Variants in KIZ observed in about 807,000 individuals in gnomAD.
The protein encoded by KIZ is kizuna centrosomal protein, also known as centrosomal protein kizuna.
Under a neutral mutation model 79.6 loss-of-function variants are expected in KIZ, and 68 were observed. The ratio of observed to expected loss-of-function variants is 0.85; its 90% CI spans 0.70 to 1.05. The LOEUF (loss-of-function observed/expected upper bound fraction) is 1.05, where lower values mean the gene tolerates loss of function less well. Among genes scored for constraint, KIZ ranks in the 50% least tolerant of loss-of-function variants. The pLI, the probability that KIZ is intolerant of heterozygous loss-of-function variation, is 0.00. For missense variants in KIZ, 797 were observed against 800.4 expected (o/e 1.00, Z 0.05); for synonymous variants, 280 against 281.8 (o/e 0.99, Z 0.06).
rs1433304704 is a variant in KIZ, at chr20:21,163,091, T to G, written c.1284T>G (p.Asn428Lys). Residue 428 changes from asparagine to lysine, a missense_variant, in exon 6 of 13, where the codon AAT (asparagine) becomes AAG (lysine). Coordinates refer to ENST00000619189, the MANE Select transcript of KIZ (RefSeq NM_018474.6). ...GAGTTGCCCTATCCACTGAAAAAAA[T>G]TGTATTTTGCAAACCCTAAGCTCTC... ...QERVALSTEKNCILQTLSSPD... is the reference protein window; with the variant it reads ...QERVALSTEKKCILQTLSSPD... The G allele has an allele frequency of 1.2e-6, 2 of 1,613,772 alleles. No homozygotes were observed. Among genetic ancestry groups the G allele is most frequent in the Admixed American group, 3.3e-5 (2 of 60,000 alleles).
chr20:21,165,463 A>G (rs750410500), intron 6 of KIZ, among the ~76,000 whole-genome samples: 1 of 152,204 alleles, frequency 6.6e-6, no homozygotes, highest in Non-Finnish European at 1.5e-5. Context: ...CTGGAATATC[A>G]GGTTAATGAA....
intron 9 of KIZ, among the ~76,000 whole-genome samples, chr20:21,225,756 T>G (rs1180822933): frequency 6.6e-6 from 1 of 152,190 alleles, no homozygotes; most frequent in Non-Finnish European, 1.5e-5. Flanking sequence ...TGTCCATAAC[T>G]TTACACTCTT....
intron 9 of KIZ, among the ~76,000 whole-genome samples, chr20:21,224,692 A>G (rs137859937): frequency 1.3e-5 from 2 of 152,270 alleles, no homozygotes; most frequent in African/African-American, 2.4e-5. Context: ...TGCAAAAGCA[A>G]TGGGCAGATT....
intron 4 of KIZ, among the ~76,000 whole-genome samples, chr20:21,147,961 T>TTGTG (rs61333547): frequency 0.015 from 2,053 of 141,096 alleles, 32 homozygotes; most frequent in East Asian, 0.061. Flanking sequence ...CTCCTGGAAT[T>TTGTG]TGTGTGTGTG....
At chr20:21,230,523 C>A (rs1012153207) in intron 10 of KIZ, among the ~76,000 whole-genome samples, 3 of 152,164 alleles carry the variant, frequency 2.0e-5, no homozygotes, top group African/African-American at 7.2e-5. Context: ...GACATACTTA[C>A]AGTACATCAG....
At chr20:21,132,031 G>A (rs530186037) in intron 1 of KIZ, 66 bp from the exon 2 acceptor site, 10 of 721,854 alleles carry the variant, frequency 1.4e-5, no homozygotes, top group Non-Finnish European at 1.9e-5. Flanking sequence ...TCAAAGAAGA[G>A]CATGGTCTAA....
chr20:21,223,935 C>T (rs1377519169), intron 9 of KIZ, among the ~76,000 whole-genome samples: 1 of 152,096 alleles, frequency 6.6e-6, no homozygotes, highest in African/African-American at 2.4e-5. Context: ...ACCTTAGCCT[C>T]CCAGAGTGCT....
chr20:21,229,457 G>C (rs1460931668), intron 10 of KIZ, among the ~76,000 whole-genome samples: 2 of 152,252 alleles, frequency 1.3e-5, no homozygotes, highest in African/African-American at 4.8e-5. Context: ...CATTCAGTGG[G>C]CAGTGTTGTA....
chr20:21,232,112 G>T (rs1040221625), intron 10 of KIZ, among the ~76,000 whole-genome samples: 3 of 152,186 alleles, frequency 2.0e-5, no homozygotes, highest in Admixed American at 2.0e-4. Flanking sequence ...AACATCCAAG[G>T]CTGAGAACTC....
chr20:21,162,573 A>T (rs886950531), intron 5 of KIZ, 66 bp downstream of exon 5: 1 of 1,167,758 alleles, frequency 8.6e-7, no homozygotes, highest in Non-Finnish European at 1.2e-6. Context: ...GTAAGGACAA[A>T]ATATACTAAT....
intron 6 of KIZ, among the ~76,000 whole-genome samples, chr20:21,165,634 C>T (rs1342807272): frequency 2.0e-5 from 3 of 151,786 alleles, no homozygotes; most frequent in Admixed American, 6.6e-5. Flanking sequence ...GAGATTCCCG[C>T]TCCCTGTTGT....
intron 7 of KIZ, among the ~76,000 whole-genome samples, chr20:21,207,616 T>G (rs2035886027): frequency 6.6e-6 from 1 of 151,658 alleles, no homozygotes; most frequent in African/African-American, 2.4e-5. Flanking sequence ...CAAACATAGA[T>G]ACAGCCCCCC....
intron 6 of KIZ, among the ~76,000 whole-genome samples, chr20:21,164,537 G>A (rs925284772): frequency 6.6e-6 from 1 of 152,068 alleles, no homozygotes; most frequent in Admixed American, 6.6e-5. Flanking sequence ...GTGTTTGTGG[G>A]CTTATTTTTA....
At chr20:21,217,752 A>G (rs191591632) in intron 9 of KIZ, among the ~76,000 whole-genome samples, 84 of 152,312 alleles carry the variant, frequency 5.5e-4, no homozygotes, top group Middle Eastern at 3.4e-3. Flanking sequence ...TAGACACTCA[A>G]TTTTATCTGT....
chr20:21,201,732 A>C (rs1383014476), intron 6 of KIZ, among the ~76,000 whole-genome samples: 1 of 152,182 alleles, frequency 6.6e-6, no homozygotes, highest in Non-Finnish European at 1.5e-5. Context: ...TTGTTTTTTT[A>C]TGTGTCATCA....
At position 21,162,470 on chromosome 20, in the gene KIZ, G is replaced by A. The variant is rs983896453; in HGVS notation, c.1005G>A (p.Trp335Ter). The stretch of plus-strand genomic sequence containing the variant: ...AATACTGTGAATCTGAAAATAAGTG[G>A]TCTCAAGAGAAGCATTCTCCTTGGG... ...VSEYCESENKWSQEKHSPWEG... is the reference protein window; with the variant it reads ...VSEYCESENK Residue 335 changes from tryptophan to a stop codon, truncating the protein, a stop_gained, in exon 5 of 13, where the codon TGG (tryptophan) becomes TGA (stop). Coordinates refer to ENST00000619189, the MANE Select transcript of KIZ (RefSeq NM_018474.6). LOFTEE classifies it high-confidence loss of function. 2 of 1,613,392 alleles carry A rather than the reference G, an allele frequency of 1.2e-6. No homozygotes were observed. The highest frequency in any genetic ancestry group is 3.3e-5 in the Admixed American group (2 of 59,938).
intron 10 of KIZ, among the ~76,000 whole-genome samples, chr20:21,230,116 T>G (rs970024141): frequency 6.6e-6 from 1 of 152,198 alleles, no homozygotes; most frequent in Non-Finnish European, 1.5e-5. Flanking sequence ...TCTAGCAGAA[T>G]GAACAGTGAT....
intron 11 of KIZ, among the ~76,000 whole-genome samples, chr20:21,241,857 C>CT (rs1326213366): frequency 2.0e-5 from 3 of 151,372 alleles, no homozygotes; most frequent in Non-Finnish European, 4.4e-5. Flanking sequence ...TGACTTTTTC[C>CT]TTTTTTTTTC....
chr20:21,165,194 T>C (rs2033873445), intron 6 of KIZ, among the ~76,000 whole-genome samples: 1 of 152,140 alleles, frequency 6.6e-6, no homozygotes, highest in African/African-American at 2.4e-5. Flanking sequence ...TTAGCAAAGA[T>C]GCATAAATGG....
Sources: gnomAD v4.1 joint callset for allele counts (sites outside exome capture counted in the v4.1 genomes callset) on GRCh38, gnomAD v4.1.1 for gene constraint, MANE v1.5 for transcripts, NCBI Gene and HGNC (gene_info 2026-07-23, HGNC 2026-07-21) for gene names.